Variants in DYNC2H1 observed in about 807,000 individuals in gnomAD.
DYNC2H1 encodes dynein cytoplasmic 2 heavy chain 1, also known as cytoplasmic dynein 2 heavy chain 1.
DYNC2H1 carries 410 observed loss-of-function variants against 570.0 expected under a neutral mutation model. That is an observed-to-expected ratio of 0.72 (90% CI 0.66 to 0.78). The LOEUF (loss-of-function observed/expected upper bound fraction) is 0.78, where lower values mean the gene tolerates loss of function less well. DYNC2H1 is among the 30% of genes least tolerant of loss of function. The probability of loss-of-function intolerance (pLI) is 0.00; values close to 1 mark genes in which losing one functional copy is unlikely to be tolerated. For missense variants in DYNC2H1, 4,865 were observed against 5,046.4 expected (o/e 0.96, Z 1.09); for synonymous variants, 1,688 against 1,677.6 (o/e 1.01, Z -0.15).
intron 82 of DYNC2H1, among the ~76,000 whole-genome samples, chr11:103,349,821 A>G (rs1186125946): frequency 1.3e-5 from 2 of 152,304 alleles, no homozygotes; most frequent in South Asian, 2.1e-4. Flanking sequence ...TGTACATTTC[A>G]CTTTTGATCT....
chr11:103,448,347 C>T (rs1057357434), intron 85 of DYNC2H1, among the ~76,000 whole-genome samples: 1 of 152,080 alleles, frequency 6.6e-6, no homozygotes, highest in Non-Finnish European at 1.5e-5. Context: ...TCCTATTTAA[C>T]TTAAAACTGT....
In DYNC2H1 at chr11:103,199,005, C is replaced by T. The variant is rs1199714258; in HGVS notation, c.7840-223C>T. Among the ~76,000 whole-genome samples the T allele has an allele frequency of 5.3e-5, 8 of 152,226 alleles. No homozygotes were observed. In the East Asian group the frequency reaches 9.7e-4, roughly 18 times the overall value. ...AGTGACCAAAAGTAACTGATTTTCA[C>T]GGACCCTTGAACTTGTTTGACATGA... On this transcript the variant is annotated intron_variant, in intron 48 of 88. Transcript: ENST00000375735. The surrounding 1 kb of genome is among the most constrained non-coding windows in gnomAD (Gnocchi z 4.6).
At chr11:103,456,133 A>C in intron 86 of DYNC2H1, 142 bp from the exon 87 acceptor site, 1 of 565,056 alleles carries the variant, frequency 1.8e-6, no homozygotes, top group Non-Finnish European at 2.9e-6. Flanking sequence ...ACTCTGACAT[A>C]TTATGCATAG....
rs1390271637 is a variant in DYNC2H1 at position 103,155,324 on chromosome 11, G to C, written c.3574-7G>C. ...ATATGACTTTTTCTTTTTTTTTTTT[G>C]TAACAGATCGTAATTCCTATCTTGA... On this transcript the variant is annotated splice_polypyrimidine_tract_variant and splice_region_variant and intron_variant, in intron 24 of 88. Coordinates refer to ENST00000375735, the MANE Select transcript of DYNC2H1 (RefSeq NM_001377.3). 6.8e-7 allele frequency: 1 copy of C among 1,481,452 alleles called. No individual in the cohort carries two copies. The highest frequency in any genetic ancestry group is 8.9e-7 in the Non-Finnish European group (1 of 1,121,350). The allele number at this position is 1,481,452 out of a possible 1,614,324, so 91.8% of individuals were successfully genotyped here.
intron 85 of DYNC2H1, among the ~76,000 whole-genome samples, chr11:103,442,237 G>C (rs1409812637): frequency 6.6e-6 from 1 of 151,976 alleles, no homozygotes; most frequent in Non-Finnish European, 1.5e-5. Context: ...ACTGTAGTGA[G>C]AAAACATGAA....
In DYNC2H1 at chr11:103,115,314, G is replaced by T. The variant is rs928273249; in HGVS notation, c.621+19G>T. The stretch of plus-strand genomic sequence containing the variant: ...TGCAAGAGTATGTGATTCATAAATG[G>T]TGATATATTGGGCTTCTTATAAAAG... On this transcript the variant is annotated intron_variant, in intron 4 of 88. Coordinates refer to ENST00000375735, the MANE Select transcript of DYNC2H1 (RefSeq NM_001377.3). 1.5e-5 allele frequency: 23 copies of T among 1,503,146 alleles called. No homozygotes were observed. The highest frequency in any genetic ancestry group is 2.0e-5 in the Admixed American group (1 of 49,726). 93.1% of individuals were successfully genotyped at this position (1,503,146 alleles called of 1,614,324 possible).
chr11:103,268,051 T>C lies in DYNC2H1; in HGVS notation c.10695+8074T>C, dbSNP rs1865576136. On this transcript the variant is annotated intron_variant, in intron 70 of 88. Coordinates refer to ENST00000375735, the MANE Select transcript of DYNC2H1 (RefSeq NM_001377.3). This position sits in a 1 kb window ranked among gnomAD's most constrained non-coding sequence, Gnocchi z 4.6. The stretch of plus-strand genomic sequence containing the variant: ...ATACATGACTATAGTGAATATCCTA[T>C]ATGGTACACTTATTTTTATGTATAG... Among the ~76,000 whole-genome samples the C allele has an allele frequency of 6.6e-6, 1 of 152,050 alleles. No individual in the cohort carries two copies. Among genetic ancestry groups the C allele is most frequent in the Non-Finnish European group, 1.5e-5 (1 of 67,932 alleles).
chr11:103,372,104 G>A (rs1406413233), intron 83 of DYNC2H1, among the ~76,000 whole-genome samples: 4 of 128,620 alleles, frequency 3.1e-5, no homozygotes, highest in Non-Finnish European at 4.7e-5. Context: ...GCAGTGGCAC[G>A]ATCTTGCTCA....
chr11:103,458,309 A>G (rs549258659), intron 87 of DYNC2H1, among the ~76,000 whole-genome samples: 1 of 152,332 alleles, frequency 6.6e-6, no homozygotes, highest in African/African-American at 2.4e-5. Context: ...GCAATAGGCT[A>G]TAGCATCTAG....
In DYNC2H1 at chr11:103,324,224, G is replaced by A. The variant is rs1938357334; in HGVS notation, c.12039+234G>A. ...GGAAATGTGCAGATTTGTTACATAG[G>A]TAAATTGTGTGTCGTAAGGGTTTGG... is the stretch of plus-strand genomic sequence containing the variant. On this transcript the variant is annotated intron_variant, in intron 82 of 88. Transcript: ENST00000375735. The surrounding 1 kb of genome is among the most constrained non-coding windows in gnomAD (Gnocchi z 5.2). Among the ~76,000 whole-genome samples the A allele has an allele frequency of 6.6e-6, 1 of 152,018 alleles. No individual in the cohort carries two copies. Among genetic ancestry groups the A allele is most frequent in the Non-Finnish European group, 1.5e-5 (1 of 68,000 alleles).
At chr11:103,274,437 A>G (rs193072550) in intron 70 of DYNC2H1, among the ~76,000 whole-genome samples, 71 of 152,286 alleles carry the variant, frequency 4.7e-4, no homozygotes, top group Admixed American at 1.4e-3. Context: ...TCATTAAATG[A>G]TAACGTTTTT....
At chr11:103,225,215 G>C (rs564757385) in intron 59 of DYNC2H1, among the ~76,000 whole-genome samples, 1 of 152,174 alleles carries the variant, frequency 6.6e-6, no homozygotes. Flanking sequence ...TGTTAACTCC[G>C]CTGATTATTT....
At chr11:103,169,849 A>T (rs773302476) in intron 32 of DYNC2H1, among the ~76,000 whole-genome samples, 28 of 152,208 alleles carry the variant, frequency 1.8e-4, no homozygotes, top group Non-Finnish European at 3.8e-4. Flanking sequence ...TGTGCCATTA[A>T]CAAGAACTTG....
chr11:103,450,973 A>G (rs532852879), intron 85 of DYNC2H1, among the ~76,000 whole-genome samples: 1 of 152,322 alleles, frequency 6.6e-6, no homozygotes, highest in East Asian at 1.9e-4. Context: ...GTTAGGTCCT[A>G]AACAGTTTCC....
chr11:103,280,328 A>G lies in DYNC2H1; in HGVS notation c.10696-20A>G. The G allele has an allele frequency of 6.4e-7, 1 of 1,551,292 alleles. No homozygotes were observed. Among genetic ancestry groups the G allele is most frequent in the South Asian group, 1.2e-5 (1 of 83,952 alleles). ...ACACAAATTTTTAAAAGGCAAGATA[A>G]TATCTGTTATTCTTTGCAGGCTGAT... On this transcript the variant is annotated intron_variant, in intron 70 of 88. Coordinates refer to ENST00000375735, the MANE Select transcript of DYNC2H1 (RefSeq NM_001377.3). This position sits in a 1 kb window ranked among gnomAD's most constrained non-coding sequence, Gnocchi z 4.7.
intron 58 of DYNC2H1, among the ~76,000 whole-genome samples, chr11:103,222,462 A>G (rs1863624834): frequency 6.6e-6 from 1 of 152,174 alleles, no homozygotes; most frequent in African/African-American, 2.4e-5. Flanking sequence ...TACTTGTCAG[A>G]TAACAACAGG....
intron 65 of DYNC2H1, among the ~76,000 whole-genome samples, 154 bp from the exon 66 acceptor site, chr11:103,253,131 T>C (rs1565433599): frequency 6.6e-6 from 1 of 152,194 alleles, no homozygotes; most frequent in Non-Finnish European, 1.5e-5. Context: ...AAATAGAACA[T>C]TCTGCTAATA....
chr11:103,245,448 CT>C lies in DYNC2H1; in HGVS notation c.10042+77del. On this transcript the variant is annotated intron_variant, in intron 65 of 88. Transcript: ENST00000375735. This position sits in a 1 kb window ranked among gnomAD's most constrained non-coding sequence, Gnocchi z 4.5. ...AGTAAGTAATTAAACCAGGTGCAAG[CT>C]TTCAAGAGTCCTCTTCCAGTGGAGT... is the stretch of plus-strand genomic sequence containing the variant. 7.0e-7 allele frequency: 1 copy of C among 1,434,498 alleles called. No homozygotes were observed. The highest frequency in any genetic ancestry group is 9.3e-7 in the Non-Finnish European group (1 of 1,070,616). 88.9% of individuals were successfully genotyped at this position (1,434,498 alleles called of 1,614,324 possible).
At chr11:103,414,423 A>C (rs1943203921) in intron 84 of DYNC2H1, among the ~76,000 whole-genome samples, 1 of 152,122 alleles carries the variant, frequency 6.6e-6, no homozygotes, top group South Asian at 2.1e-4. Flanking sequence ...GTTCAAGACC[A>C]GCCTGACCAA....
Sources: allele counts gnomAD v4.1 joint callset (sites outside exome capture counted in the v4.1 genomes callset), GRCh38; gene constraint gnomAD v4.1.1; non-coding constraint Gnocchi (gnomAD v3.1); transcripts MANE v1.5; gene names NCBI Gene and HGNC (gene_info 2026-07-23, HGNC 2026-07-21).